Variants in CACNA2D1 observed in about 807,000 individuals in gnomAD.
CACNA2D1 encodes calcium voltage-gated channel auxiliary subunit alpha2delta 1, also known as voltage-dependent calcium channel subunit alpha-2/delta-1.
Under a neutral mutation model 171.5 loss-of-function variants are expected in CACNA2D1, and 53 were observed. The observed-to-expected ratio is 0.31, with a 90% CI of 0.25 to 0.39. The LOEUF (loss-of-function observed/expected upper bound fraction) is 0.39. Ranked by LOEUF, CACNA2D1 falls within the 10% of genes least tolerant of loss-of-function variation. The pLI is 1.00. For synonymous variants in CACNA2D1, 442 were observed against 443.1 expected, an observed-to-expected ratio of 1.00 and a Z score of 0.03; for missense variants, 903 against 1,299.8, an observed-to-expected ratio of 0.69 and a Z score of 4.69.
At chr7:82,411,767 G>T (rs2190238) in intron 1 of CACNA2D1, among the ~76,000 whole-genome samples, 151,120 of 152,128 alleles carry the variant, frequency 0.99, 75,061 homozygotes, top group Middle Eastern at 1. Flanking sequence ...TGCATTTTAA[G>T]GCATTTCTCG....
chr7:82,296,757 T>C (rs1430663832), intron 3 of CACNA2D1, among the ~76,000 whole-genome samples: 1 of 152,102 alleles, frequency 6.6e-6, no homozygotes, highest in Non-Finnish European at 1.5e-5. Flanking sequence ...ATTGCATATG[T>C]AGGTGAATAT....
intron 4 of CACNA2D1, among the ~76,000 whole-genome samples, chr7:82,161,996 T>A (rs2129133837): frequency 6.6e-6 from 1 of 152,192 alleles, no homozygotes; most frequent in Admixed American, 6.6e-5. Flanking sequence ...AAGTGAGGTT[T>A]CCTGATAACT....
At chr7:82,004,051 A>G (rs1467969220) in intron 18 of CACNA2D1, among the ~76,000 whole-genome samples, 2 of 152,154 alleles carry the variant, frequency 1.3e-5, no homozygotes, top group Non-Finnish European at 2.9e-5. Context: ...AGCCCACATT[A>G]CACTTTTATT....
At chr7:82,361,581 T>C (rs547115852) in intron 1 of CACNA2D1, among the ~76,000 whole-genome samples, 115 of 152,280 alleles carry the variant, frequency 7.6e-4, no homozygotes, top group Non-Finnish European at 1.2e-3. Flanking sequence ...TAATGTATTA[T>C]ATGTTGAAAA....
At chr7:82,042,469 TAA>T (rs1336460460) in intron 10 of CACNA2D1, among the ~76,000 whole-genome samples, 2 of 152,186 alleles carry the variant, frequency 1.3e-5, no homozygotes, top group Non-Finnish European at 2.9e-5. Flanking sequence ...ATACTTCTTG[TAA>T]AAGTGTGTAT....
At chr7:82,353,205 T>C (rs191553498) in intron 1 of CACNA2D1, among the ~76,000 whole-genome samples, 9 of 152,152 alleles carry the variant, frequency 5.9e-5, no homozygotes, top group Non-Finnish European at 1.2e-4. Flanking sequence ...GGAGGCCAAG[T>C]ACAAGGAACT....
chr7:82,138,435 T>C (rs996404342), intron 4 of CACNA2D1, among the ~76,000 whole-genome samples: 1 of 80,488 alleles, frequency 1.2e-5, no homozygotes. Flanking sequence ...AGTTTTGTTT[T>C]TTTTGTTTTT....
chr7:82,102,476 A>G (rs1812791615), intron 6 of CACNA2D1, among the ~76,000 whole-genome samples: 1 of 151,650 alleles, frequency 6.6e-6, no homozygotes, highest in Non-Finnish European at 1.5e-5. Flanking sequence ...ATGCATATAT[A>G]CATATATATA....
chr7:82,434,257 CT>C (rs990221936), intron 1 of CACNA2D1, among the ~76,000 whole-genome samples: 49 of 152,312 alleles, frequency 3.2e-4, no homozygotes, highest in African/African-American at 1.1e-3. Flanking sequence ...AAATATTTCT[CT>C]TTTTGGTTTA....
chr7:82,305,476 C>G (rs1813605856), intron 3 of CACNA2D1, among the ~76,000 whole-genome samples: 1 of 152,114 alleles, frequency 6.6e-6, no homozygotes, highest in African/African-American at 2.4e-5. Flanking sequence ...TACACCTTAC[C>G]TGCAGATCTA....
At chr7:82,111,410 A>G (rs1477707010) in intron 6 of CACNA2D1, among the ~76,000 whole-genome samples, 28 of 85,504 alleles carry the variant, frequency 3.3e-4, no homozygotes, top group African/African-American at 1.2e-3. Context: ...ATATATTCAT[A>G]TATGTGTATA....
chr7:82,299,101 G>C (rs1812668122), intron 3 of CACNA2D1, among the ~76,000 whole-genome samples: 1 of 132,118 alleles, frequency 7.6e-6, no homozygotes, highest in African/African-American at 2.6e-5. Flanking sequence ...TAAATACCAA[G>C]TCATTTTTTA....
intron 3 of CACNA2D1, among the ~76,000 whole-genome samples, chr7:82,251,647 A>C (rs1805660138): frequency 6.6e-6 from 1 of 152,130 alleles, no homozygotes; most frequent in Admixed American, 6.5e-5. Flanking sequence ...TTTTCTAGGT[A>C]TGTAAGTGAT....
chr7:82,430,380 T>C (rs1467781842), intron 1 of CACNA2D1, among the ~76,000 whole-genome samples: 1 of 142,768 alleles, frequency 7.0e-6, no homozygotes, highest in Non-Finnish European at 1.5e-5. Context: ...ATCAGGCAGT[T>C]GCACTCCAGC....
At chr7:82,316,565 T>C (rs2129435815) in intron 3 of CACNA2D1, among the ~76,000 whole-genome samples, 2 of 152,266 alleles carry the variant, frequency 1.3e-5, no homozygotes, top group South Asian at 4.2e-4. Flanking sequence ...ATGTTCTATC[T>C]GAAAGAAAAG....
chr7:82,065,732 A>G (rs1174429259), intron 8 of CACNA2D1, among the ~76,000 whole-genome samples: 2 of 152,200 alleles, frequency 1.3e-5, no homozygotes, highest in Non-Finnish European at 2.9e-5. Context: ...TATAGTCTTC[A>G]TTCAAATGAT....
At chr7:82,290,310 A>T (rs1811356853) in intron 3 of CACNA2D1, among the ~76,000 whole-genome samples, 1 of 152,152 alleles carries the variant, frequency 6.6e-6, no homozygotes, top group Non-Finnish European at 1.5e-5. Context: ...TTGTTATTTT[A>T]ATTTTAGGTT....
At chr7:82,336,363 CTT>C (rs1563388223) in intron 2 of CACNA2D1, among the ~76,000 whole-genome samples, 1 of 151,924 alleles carries the variant, frequency 6.6e-6, no homozygotes. Context: ...TTTACATGGA[CTT>C]ATAATTTTTT....
chr7:82,212,543 T>C (rs1430965427), intron 3 of CACNA2D1, among the ~76,000 whole-genome samples: 2 of 152,204 alleles, frequency 1.3e-5, no homozygotes, highest in Non-Finnish European at 2.9e-5. Context: ...TATCTTTTAT[T>C]CAACATGGGG....
Sources: gnomAD v4.1 joint callset for allele counts (sites outside exome capture counted in the v4.1 genomes callset) on GRCh38, gnomAD v4.1.1 for gene constraint, MANE v1.5 for transcripts, NCBI Gene and HGNC (gene_info 2026-07-23, HGNC 2026-07-21) for gene names.